The following TANC2 variants were observed in gnomAD, a reference collection of about 807,000 sequenced individuals.
TANC2 encodes the protein tetratricopeptide repeat, ankyrin repeat and coiled-coil containing 2, also known as protein TANC2.
In TANC2, 26 loss-of-function variants were observed where a neutral mutation model predicts 210.5. The observed-to-expected ratio is 0.12, with a 90% CI of 0.09 to 0.17. The LOEUF is 0.17. TANC2 is among the 10% of genes least tolerant of loss of function. The pLI is 1.00. For missense variants in TANC2, 2,129 were observed against 2,608.9 expected, an observed-to-expected ratio of 0.82 and a Z score of 4.01; for synonymous variants, 931 against 967.1, an observed-to-expected ratio of 0.96 and a Z score of 0.69.
Position 63,253,167 on chromosome 17 carries a change from G to C in TANC2, c.1034-14581G>C, listed in dbSNP as rs558225623. Among the ~76,000 whole-genome samples the C allele has an allele frequency of 9.9e-5, 15 of 152,130 alleles. No individual in the cohort carries two copies. The East Asian group carries it at 2.5e-3, about 25-fold the overall frequency. On this transcript the variant is annotated intron_variant, in intron 8 of 27. Coordinates refer to ENST00000689528, the Ensembl canonical transcript of TANC2. ...GATAAAAGCCATTTGATAATATCTCGCTGAAGTTTTGATTTGCATTTCTCT... is the reference window on the plus strand; with the variant it reads ...GATAAAAGCCATTTGATAATATCTCCCTGAAGTTTTGATTTGCATTTCTCT...
At chr17:63,313,472 G>A (rs1191064691) in intron 9 of TANC2, 1 of 152,082 alleles carries the variant, frequency 6.6e-6, no homozygotes, top group Non-Finnish European at 1.5e-5. Flanking sequence ...TGCATTTTTA[G>A]AAAACTGTTG....
intron 2 of TANC2, among the ~76,000 whole-genome samples, chr17:63,015,585 T>C (rs138851793): frequency 0.02 from 3,092 of 152,194 alleles, 42 homozygotes; most frequent in South Asian, 0.037. Flanking sequence ...TTTTTGTCCT[T>C]GCGATAGTTT....
intron 14 of TANC2, among the ~76,000 whole-genome samples, chr17:63,373,808 C>T (rs2047341520): frequency 6.6e-6 from 1 of 151,986 alleles, no homozygotes; most frequent in South Asian, 2.1e-4. Context: ...TGGTAAAACC[C>T]CATCTCTACT....
intron 5 of TANC2, among the ~76,000 whole-genome samples, chr17:63,171,081 C>CT (rs578140711): frequency 0.036 from 3,490 of 98,010 alleles, 111 homozygotes; most frequent in South Asian, 0.071. Context: ...GTATTTCTTT[C>CT]TTTTTTTTTT....
At chr17:63,377,136 A>G (rs970388760) in intron 14 of TANC2, among the ~76,000 whole-genome samples, 17 of 152,136 alleles carry the variant, frequency 1.1e-4, no homozygotes, top group Non-Finnish European at 2.9e-5. Context: ...CCAGCCCACT[A>G]AGCCACTTTT....
At chr17:63,156,645 A>G (rs933602396) in intron 5 of TANC2, among the ~76,000 whole-genome samples, 2 of 152,216 alleles carry the variant, frequency 1.3e-5, no homozygotes, top group Admixed American at 6.5e-5. Flanking sequence ...GGAAATAAGC[A>G]TAAGAACTAG....
chr17:63,340,053 G>T (rs374200128), intron 11 of TANC2, 48 bp from the exon 12 acceptor site: 1 of 1,359,214 alleles, frequency 7.4e-7, no homozygotes. Context: ...CATAGCTATT[G>T]CTCTTACTAC....
intron 9 of TANC2, among the ~76,000 whole-genome samples, chr17:63,270,809 CCCT>C (rs1451169220): frequency 6.6e-6 from 1 of 152,088 alleles, no homozygotes; most frequent in Non-Finnish European, 1.5e-5. Context: ...CCAATCTTTT[CCCT>C]CCTCCTACCT....
intron 7 of TANC2, among the ~76,000 whole-genome samples, chr17:63,207,732 A>C (rs1395371527): frequency 6.6e-6 from 1 of 152,188 alleles, no homozygotes; most frequent in East Asian, 1.9e-4. Context: ...AGTCATATGT[A>C]TGATTCGGAA....
At chr17:63,062,797 C>T (rs1382173581) in intron 2 of TANC2, among the ~76,000 whole-genome samples, 1 of 152,198 alleles carries the variant, frequency 6.6e-6, no homozygotes, top group African/African-American at 2.4e-5. Context: ...TATTCTTCTA[C>T]TATACTCTTC....
exon 3 of TANC2, chr17:63,073,964 C>T (rs1437062053): frequency 3.1e-6 from 5 of 1,588,356 alleles, no homozygotes; most frequent in South Asian, 1.2e-5. Flanking sequence ...GAGGAACCAC[C>T]GGATCGAAGA....
intron 2 of TANC2, among the ~76,000 whole-genome samples, chr17:63,034,880 G>A (rs2034910931): frequency 6.6e-6 from 1 of 152,208 alleles, no homozygotes; most frequent in Non-Finnish European, 1.5e-5. Context: ...GATGGAATCT[G>A]TGTCTGGTGA....
At chr17:63,080,373 A>G (rs539512823) in intron 3 of TANC2, among the ~76,000 whole-genome samples, 1 of 152,314 alleles carries the variant, frequency 6.6e-6, no homozygotes, top group South Asian at 2.1e-4. Flanking sequence ...AACCAGCATG[A>G]TATGATTGAA....
At chr17:63,355,021 T>G (rs1433118812) in exon 14 of TANC2, 1 of 1,613,790 alleles carries the variant, frequency 6.2e-7, no homozygotes, top group African/African-American at 1.3e-5. Context: ...TTTGACCTCA[T>G]AGAGAAAGGC....
At chr17:63,224,741 A>T (rs2042285738) in intron 7 of TANC2, among the ~76,000 whole-genome samples, 1 of 152,154 alleles carries the variant, frequency 6.6e-6, no homozygotes. Context: ...TACATTTCTC[A>T]TTGCCTTAGT....
At chr17:63,061,409 T>C (rs2035991539) in intron 2 of TANC2, among the ~76,000 whole-genome samples, 1 of 152,050 alleles carries the variant, frequency 6.6e-6, no homozygotes, top group Admixed American at 6.5e-5. Flanking sequence ...GATTACATGA[T>C]AGTTTTGCTT....
chr17:63,283,404 T>A (rs2044121213), intron 9 of TANC2, among the ~76,000 whole-genome samples: 1 of 151,964 alleles, frequency 6.6e-6, no homozygotes, highest in Non-Finnish European at 1.5e-5. Flanking sequence ...ACTCCAGTCT[T>A]CTTTTTTAGA....
chr17:63,055,985 AAAAAAATATATATATATAT>A (rs1161084212), intron 2 of TANC2, among the ~76,000 whole-genome samples: 127 of 16,798 alleles, frequency 7.6e-3, no homozygotes, highest in African/African-American at 0.019. Context: ...AAAAAAAAAA[AAAAAAATATATATATATAT>A]ATATATATAT....
At chr17:63,366,583 C>T (rs4968767) in intron 14 of TANC2, among the ~76,000 whole-genome samples, 2 of 152,000 alleles carry the variant, frequency 1.3e-5, no homozygotes, top group African/African-American at 2.4e-5. Context: ...TCCTAGAGCT[C>T]GAGATGCATT....
Sources: gnomAD v4.1 joint callset for allele counts (sites outside exome capture counted in the v4.1 genomes callset) on GRCh38, gnomAD v4.1.1 for gene constraint, MANE v1.5 for transcripts, NCBI Gene and HGNC (gene_info 2026-07-23, HGNC 2026-07-21) for gene names.